The following CSMD1 variants were observed in gnomAD, a reference collection of about 807,000 sequenced individuals.
The protein encoded by CSMD1 is CUB and Sushi multiple domains 1, also known as CUB and sushi domain-containing protein 1.
In CSMD1, 213 loss-of-function variants were observed where a neutral mutation model predicts 417.5. The observed-to-expected ratio is 0.51, with a 90% confidence interval of 0.46 to 0.57. The LOEUF is 0.57. CSMD1 is among the 20% of genes least tolerant of loss of function. The pLI is 0.00. For missense variants in CSMD1, 6,923 were observed against 4,529.7 expected (o/e 1.53, Z -15.17); for synonymous variants, 2,862 against 1,736.8 (o/e 1.65, Z -16.11).
intron 5 of CSMD1, among the ~76,000 whole-genome samples, chr8:3,877,390 G>A (rs532209216): frequency 7.9e-5 from 12 of 152,286 alleles, no homozygotes; most frequent in Admixed American, 4.6e-4. Flanking sequence ...GCTGCAGACC[G>A]AACCCACGTT....
At chr8:3,551,804 T>C (rs1386829145) in intron 10 of CSMD1, among the ~76,000 whole-genome samples, 2 of 152,226 alleles carry the variant, frequency 1.3e-5, no homozygotes, top group African/African-American at 4.8e-5. Flanking sequence ...ATGCTGAGTG[T>C]GACATGCAGT....
At position 4,605,597 on chromosome 8, in the gene CSMD1, G is replaced by A. The variant is rs559791274; in HGVS notation, c.302+31745C>T. 1.4e-4 allele frequency among the ~76,000 whole-genome samples: 22 copies of A among 152,298 alleles called. 1 individual carries two copies. The East Asian group carries it at 4.2e-3, about 29-fold the overall frequency. On this transcript the variant is annotated intron_variant, in intron 2 of 69. Coordinates refer to ENST00000635120, the MANE Select transcript of CSMD1 (RefSeq NM_033225.6). ...ACTTTGGGAGGCAAAATCATGAATA[G>A]TCAATAAAATCTAACCATGACCTTT...
chr8:4,771,166 G>T (rs761592257), intron 1 of CSMD1, among the ~76,000 whole-genome samples: 1 of 152,182 alleles, frequency 6.6e-6, no homozygotes, highest in Admixed American at 6.5e-5. Context: ...ACATTACACA[G>T]AGAAGACTGA....
chr8:4,377,469 C>G (rs1802829551), intron 3 of CSMD1, among the ~76,000 whole-genome samples: 1 of 152,098 alleles, frequency 6.6e-6, no homozygotes, highest in Non-Finnish European at 1.5e-5. Context: ...AAATTACTAA[C>G]AAGTCAATTT....
In CSMD1 at chr8:3,029,472, C is replaced by T. The variant is rs1260085576; in HGVS notation, c.7702G>A (p.Val2568Ile). Residue 2568 changes from valine to isoleucine, a missense_variant, in exon 51 of 70, where the codon GTC becomes ATC. Val to Ile is a conservative substitution (Grantham distance 29). Coordinates refer to ENST00000635120, the MANE Select transcript of CSMD1 (RefSeq NM_033225.6). ...GATCCTGAAACCAGCCTCCAGATGACATGTTCTGAGAGCTGAGCTTCAATG... is the reference window on the plus strand; with the variant it reads ...GATCCTGAAACCAGCCTCCAGATGATATGTTCTGAGAGCTGAGCTTCAATG... ...PSIEAQLSEHVIWRLVSGSLN... is the reference protein window; with the variant it reads ...PSIEAQLSEHIIWRLVSGSLN... 3 of 1,606,034 alleles carry T rather than the reference C, an allele frequency of 1.9e-6. No individual in the cohort carries two copies. Among genetic ancestry groups the T allele is most frequent in the East Asian group, 2.2e-5 (1 of 44,696 alleles).
chr8:4,060,301 A>C (rs990317916), intron 3 of CSMD1, among the ~76,000 whole-genome samples: 4 of 152,196 alleles, frequency 2.6e-5, no homozygotes, highest in Admixed American at 2.0e-4. Context: ...TCTCAGAATA[A>C]TAAGAGTTAT....
At chr8:4,604,476 G>T (rs977389756) in intron 2 of CSMD1, among the ~76,000 whole-genome samples, 1 of 150,890 alleles carries the variant, frequency 6.6e-6, no homozygotes, top group African/African-American at 2.4e-5. Flanking sequence ...AATTTGTCCC[G>T]CTTCATTTCT....
intron 3 of CSMD1, among the ~76,000 whole-genome samples, chr8:4,399,343 G>A (rs1342160908): frequency 6.6e-6 from 1 of 152,174 alleles, no homozygotes; most frequent in Non-Finnish European, 1.5e-5. Flanking sequence ...ACACCATATA[G>A]TGAAGTACTA....
At chr8:3,546,395 G>T (rs943892768) in intron 10 of CSMD1, among the ~76,000 whole-genome samples, 1 of 151,988 alleles carries the variant, frequency 6.6e-6, no homozygotes, top group Non-Finnish European at 1.5e-5. Flanking sequence ...AATTAGCTGG[G>T]TTTGGTGGCA....
chr8:4,379,801 G>A (rs1353042068), intron 3 of CSMD1, among the ~76,000 whole-genome samples: 1 of 152,178 alleles, frequency 6.6e-6, no homozygotes, highest in Non-Finnish European at 1.5e-5. Context: ...TCAAAATGTT[G>A]ACAATTCTAT....
intron 2 of CSMD1, among the ~76,000 whole-genome samples, chr8:4,545,106 G>C (rs1337019753): frequency 6.6e-6 from 1 of 152,180 alleles, no homozygotes; most frequent in Non-Finnish European, 1.5e-5. Flanking sequence ...GTTAAGAGGG[G>C]ACATAGTAAC....
At chr8:4,980,851 C>T (rs1354799660) in intron 1 of CSMD1, among the ~76,000 whole-genome samples, 4 of 151,484 alleles carry the variant, frequency 2.6e-5, no homozygotes, top group Admixed American at 6.6e-5. Context: ...CTGCAGTGAG[C>T]GAAGATCGCA....
chr8:3,058,390 T>C (rs1056706206), intron 49 of CSMD1, among the ~76,000 whole-genome samples: 1 of 152,280 alleles, frequency 6.6e-6, no homozygotes, highest in South Asian at 2.1e-4. Context: ...ACAGTAAATA[T>C]ATACAAATAT....
Position 4,385,123 on chromosome 8 carries a change from C to G in CSMD1, c.415+34830G>C, listed in dbSNP as rs565811703. On this transcript the variant is annotated intron_variant, in intron 3 of 69. Coordinates refer to ENST00000635120, the MANE Select transcript of CSMD1 (RefSeq NM_033225.6). ...TGTATTTTTAGAAGAGACGGTGTTT[C>G]ACCATGTTGGCCAGGCTGGTCTTGA... 2.0e-5 allele frequency among the ~76,000 whole-genome samples: 3 copies of G among 151,566 alleles called. No homozygotes were observed. The East Asian group carries it at 5.8e-4, about 30-fold the overall frequency.
intron 8 of CSMD1, among the ~76,000 whole-genome samples, chr8:3,599,529 C>T (rs539112692): frequency 3.9e-5 from 6 of 152,160 alleles, no homozygotes; most frequent in Non-Finnish European, 7.3e-5. Flanking sequence ...GTAACCCCAA[C>T]GCAGCATTGT....
chr8:3,526,950 G>C (rs1309776967), intron 10 of CSMD1, among the ~76,000 whole-genome samples: 2 of 152,066 alleles, frequency 1.3e-5, no homozygotes, highest in South Asian at 2.1e-4. Flanking sequence ...TTGTCAATGA[G>C]TCTATGTTGT....
intron 5 of CSMD1, among the ~76,000 whole-genome samples, chr8:3,821,020 G>A (rs906118651): frequency 4.6e-5 from 7 of 151,930 alleles, no homozygotes; most frequent in Admixed American, 1.3e-4. Context: ...GGGTTCAAGC[G>A]ATTCTCCCGC....
intron 49 of CSMD1, among the ~76,000 whole-genome samples, chr8:3,079,429 G>T (rs957185031): frequency 2.0e-5 from 3 of 152,096 alleles, no homozygotes; most frequent in African/African-American, 7.2e-5. Flanking sequence ...AAATCTAAAT[G>T]TCTGGAAATA....
At chr8:3,367,466 G>A (rs1415187688) in intron 19 of CSMD1, among the ~76,000 whole-genome samples, 5 of 151,852 alleles carry the variant, frequency 3.3e-5, no homozygotes, top group African/African-American at 1.2e-4. Flanking sequence ...ATGGAGAGGA[G>A]AGAGAGAAAA....
Sources: allele counts gnomAD v4.1 joint callset (sites outside exome capture counted in the v4.1 genomes callset), GRCh38; gene constraint gnomAD v4.1.1; transcripts MANE v1.5; gene names NCBI Gene and HGNC (gene_info 2026-07-23, HGNC 2026-07-21).